TTLL11: variants seen among roughly 807,000 people sequenced by gnomAD.
TTLL11 encodes tubulin polyglutamylase TTLL11.
TTLL11 carries 42 observed loss-of-function variants against 51.7 expected under a neutral mutation model. The ratio of observed to expected loss-of-function variants is 0.81; its 90% CI spans 0.64 to 1.05. The LOEUF is 1.05. Ranked by LOEUF, TTLL11 falls within the 50% of genes least tolerant of loss-of-function variation. TTLL11 has a pLI of 0.00. For synonymous variants in TTLL11, 381 were observed against 383.5 expected, an observed-to-expected ratio of 0.99 and a Z score of 0.08; for missense variants, 799 against 940.4, an observed-to-expected ratio of 0.85 and a Z score of 1.97.
chr9:121,828,399 T>G (rs538489908), intron 8 of TTLL11, among the ~76,000 whole-genome samples: 3 of 152,114 alleles, frequency 2.0e-5, no homozygotes, highest in South Asian at 2.1e-4. Flanking sequence ...GGTCTTAAAC[T>G]CCTGACCTCA....
At chr9:121,971,629 G>A (rs1394323644) in intron 6 of TTLL11, among the ~76,000 whole-genome samples, 1 of 144,964 alleles carries the variant, frequency 6.9e-6, no homozygotes, top group East Asian at 2.0e-4. Flanking sequence ...GAATAGAAAG[G>A]TGGGAAAGGT....
intron 6 of TTLL11, among the ~76,000 whole-genome samples, chr9:121,897,618 GCACA>G (rs745877337): frequency 3.6e-5 from 5 of 136,996 alleles, no homozygotes; most frequent in Non-Finnish European, 6.3e-5. Flanking sequence ...TTCCCTCCAG[GCACA>G]CACACACACA....
intron 6 of TTLL11, among the ~76,000 whole-genome samples, chr9:121,894,292 G>C (rs894725568): frequency 6.6e-6 from 1 of 152,174 alleles, no homozygotes; most frequent in African/African-American, 2.4e-5. Context: ...TTACACTGTT[G>C]GTGGGAGTGT....
chr9:122,025,720 C>T (rs553771389), intron 3 of TTLL11, among the ~76,000 whole-genome samples: 1 of 152,332 alleles, frequency 6.6e-6, no homozygotes, highest in South Asian at 2.1e-4. Context: ...AATGACACAA[C>T]TACTTTGGAA....
At chr9:121,963,209 G>T (rs60731892) in intron 6 of TTLL11, among the ~76,000 whole-genome samples, 1 of 152,020 alleles carries the variant, frequency 6.6e-6, no homozygotes, top group East Asian at 1.9e-4. Context: ...TGCTATACAC[G>T]GTCAGCACCC....
At chr9:122,036,140 C>T (rs1459172198) in intron 2 of TTLL11, among the ~76,000 whole-genome samples, 1 of 152,100 alleles carries the variant, frequency 6.6e-6, no homozygotes, top group Non-Finnish European at 1.5e-5. Context: ...TTCCAGCTTC[C>T]TCCAGCAAAG....
intron 6 of TTLL11, among the ~76,000 whole-genome samples, chr9:121,913,248 C>CT (rs1205074847): frequency 6.6e-6 from 1 of 152,018 alleles, no homozygotes; most frequent in African/African-American, 2.4e-5. Flanking sequence ...GACTTAGAGT[C>CT]TTTTTTTTAA....
chr9:121,984,493 T>G (rs1842899410), intron 4 of TTLL11, among the ~76,000 whole-genome samples: 1 of 152,154 alleles, frequency 6.6e-6, no homozygotes. Context: ...AAGCTGAGAC[T>G]AAGAATTGTT....
chr9:122,065,618 C>A (rs1163746087), intron 1 of TTLL11, among the ~76,000 whole-genome samples: 2 of 152,174 alleles, frequency 1.3e-5, no homozygotes, highest in Non-Finnish European at 2.9e-5. Context: ...GATTTAGAAT[C>A]CAAACAACCC....
chr9:122,086,555 A>G (rs1192658975), intron 1 of TTLL11, among the ~76,000 whole-genome samples: 1 of 152,186 alleles, frequency 6.6e-6, no homozygotes, highest in Non-Finnish European at 1.5e-5. Flanking sequence ...GGAATCTGAG[A>G]CAGAAAGATT....
chr9:121,862,232 G>C (rs1838034753), intron 7 of TTLL11, among the ~76,000 whole-genome samples: 1 of 151,724 alleles, frequency 6.6e-6, no homozygotes, highest in Admixed American at 6.6e-5. Context: ...ATGCCAAAAA[G>C]AGCATGATTT....
chr9:121,948,151 A>T (rs1841735809), intron 6 of TTLL11, among the ~76,000 whole-genome samples: 1 of 152,074 alleles, frequency 6.6e-6, no homozygotes, highest in South Asian at 2.1e-4. Context: ...AGTGGCTCCA[A>T]TCATCCCTAT....
intron 3 of TTLL11, among the ~76,000 whole-genome samples, chr9:122,004,541 C>A (rs1843578988): frequency 6.6e-6 from 1 of 152,054 alleles, no homozygotes; most frequent in South Asian, 2.1e-4. Flanking sequence ...TTAGCAGAGA[C>A]AGTGTTTCAC....
At chr9:121,836,948 G>A (rs1006385973) in intron 8 of TTLL11, among the ~76,000 whole-genome samples, 3 of 152,156 alleles carry the variant, frequency 2.0e-5, no homozygotes, top group African/African-American at 4.8e-5. Context: ...TGGCATATAC[G>A]CATAAAAATG....
rs1836523741 is a variant in TTLL11 at position 121,819,823 on chromosome 9, G to C, written c.*2764C>G. On this transcript the variant is annotated 3_prime_UTR_variant, in exon 9 of 9. Transcript: ENST00000321582. ...TCAATTACATCCAATAAAACGAGTGGCCGATTACCAAAGGGGTAAACACAG... is the reference window on the plus strand; with the variant it reads ...TCAATTACATCCAATAAAACGAGTGCCCGATTACCAAAGGGGTAAACACAG... Among the ~76,000 whole-genome samples the C allele has an allele frequency of 6.6e-6, 1 of 152,240 alleles. No individual in the cohort carries two copies. The highest frequency in any genetic ancestry group is 1.9e-4 in the East Asian group (1 of 5,202).
At chr9:121,870,430 C>A in intron 7 of TTLL11, 67 bp downstream of exon 7, 1 of 1,500,688 alleles carries the variant, frequency 6.7e-7, no homozygotes, top group Non-Finnish European at 8.9e-7. Flanking sequence ...GGAGACCCGC[C>A]AGCCAGATGT....
At chr9:122,003,483 CTTT>C (rs398012131) in intron 3 of TTLL11, among the ~76,000 whole-genome samples, 8 of 116,420 alleles carry the variant, frequency 6.9e-5, no homozygotes, top group Admixed American at 1.8e-4. Context: ...GCATACGTTC[CTTT>C]TTTTTTTTTT....
At chr9:122,092,084 C>A (rs1165869791) in intron 1 of TTLL11, among the ~76,000 whole-genome samples, 4 of 152,156 alleles carry the variant, frequency 2.6e-5, no homozygotes, top group Non-Finnish European at 4.4e-5. Context: ...CCATTTATTG[C>A]AGACTTGTGC....
chr9:121,822,917 C>T lies in TTLL11; in HGVS notation c.1841-38G>A. 6.7e-7 allele frequency: 1 copy of T among 1,497,346 alleles called. No homozygotes were observed. Among genetic ancestry groups the T allele is most frequent in the Admixed American group, 2.3e-5 (1 of 44,214 alleles). The allele number at this position is 1,497,346 out of a possible 1,614,324, so 92.8% of individuals were successfully genotyped here. A position where few individuals can be genotyped will look rare whatever the true frequency, so the allele number is the denominator to read the frequency against. On this transcript the variant is annotated intron_variant, in intron 8 of 8. Coordinates refer to ENST00000321582, the MANE Select transcript of TTLL11 (RefSeq NM_001139442.2). The surrounding 1 kb of genome is among the most constrained non-coding windows in gnomAD (Gnocchi z 5.8). ...AGACTGGATGAGGGGGTGCACACAGCTGCCCTACGCTGCCCTGGGAAGGCC... is the reference window on the plus strand; with the variant it reads ...AGACTGGATGAGGGGGTGCACACAGTTGCCCTACGCTGCCCTGGGAAGGCC...
Sources: gnomAD v4.1 joint callset for allele counts (sites outside exome capture counted in the v4.1 genomes callset) on GRCh38, gnomAD v4.1.1 for gene constraint, Gnocchi (gnomAD v3.1) non-coding constraint, MANE v1.5 for transcripts, NCBI Gene and HGNC (gene_info 2026-07-23, HGNC 2026-07-21) for gene names.